Variants in TRPM8 observed in about 807,000 individuals in gnomAD.
TRPM8 encodes transient receptor potential cation channel subfamily M member 8.
TRPM8 carries 110 observed loss-of-function variants against 133.7 expected under a neutral mutation model. The ratio of observed to expected loss-of-function variants is 0.82; its 90% confidence interval spans 0.70 to 0.96. The LOEUF (loss-of-function observed/expected upper bound fraction) is 0.96, where lower values mean the gene tolerates loss of function less well. Among genes scored for constraint, TRPM8 ranks in the 40% least tolerant of loss-of-function variants. The probability of loss-of-function intolerance (pLI) is 0.00; values close to 1 mark genes in which losing one functional copy is unlikely to be tolerated. For missense variants in TRPM8, 1,291 were observed against 1,379.5 expected, an observed-to-expected ratio of 0.94 and a Z score of 1.02; for synonymous variants, 535 against 532.3, an observed-to-expected ratio of 1.01 and a Z score of -0.07.
chr2:233,938,864 C>T (rs1690828348), intron 4 of TRPM8, 134 bp from the exon 5 acceptor site: 7 of 940,330 alleles, frequency 7.4e-6, no homozygotes, highest in Admixed American at 5.5e-5. Flanking sequence ...CCCAATGCCG[C>T]GATCCCTGCT....
chr2:233,971,450 G>A (rs1331718686), intron 17 of TRPM8, among the ~76,000 whole-genome samples: 1 of 152,150 alleles, frequency 6.6e-6, no homozygotes, highest in East Asian at 1.9e-4. Context: ...TATGACCTGG[G>A]GGAAGAGTCC....
At chr2:233,952,136 T>C (rs1691184218) in intron 9 of TRPM8, among the ~76,000 whole-genome samples, 1 of 152,218 alleles carries the variant, frequency 6.6e-6, no homozygotes, top group South Asian at 2.1e-4. Flanking sequence ...AACTCTCATT[T>C]ATTAATTTAT....
chr2:234,002,132 G>A (rs574230400), intron 22 of TRPM8, among the ~76,000 whole-genome samples: 33 of 152,014 alleles, frequency 2.2e-4, no homozygotes, highest in Admixed American at 2.2e-3. Flanking sequence ...GATTTATGGA[G>A]GAAGGGAATA....
Position 233,985,800 on chromosome 2 carries a change from C to T in TRPM8, c.2874C>T (p.Pro958=), listed in dbSNP as rs1026491295. The T allele has an allele frequency of 3.7e-6, 6 of 1,614,112 alleles. No individual in the cohort carries two copies. Among genetic ancestry groups the T allele is most frequent in the African/African-American group, 2.7e-5 (2 of 74,934 alleles). The change falls in exon 21 of 26, where the codon CCC becomes CCT. Residue 958 remains proline (P), a synonymous_variant. Transcript: ENST00000324695. ...LPRFPEWITI[P]LVCIYMLSTN... is the part of the protein sequence containing the mutation. Reference sequence around the variant, plus strand: ...GGTTCCCCGAGTGGATCACCATCCCCCTGGTGTGCATCTACATGTTATCCA... The same window carrying T: ...GGTTCCCCGAGTGGATCACCATCCCTCTGGTGTGCATCTACATGTTATCCA...
Position 233,967,877 on chromosome 2 carries a change from G to A in TRPM8, c.2025+1122G>A, listed in dbSNP as rs551212236. 7.2e-5 allele frequency among the ~76,000 whole-genome samples: 11 copies of A among 152,176 alleles called. No homozygotes were observed. The East Asian group carries it at 1.5e-3, about 21-fold the overall frequency. Reference sequence around the variant, plus strand: ...CTTCCTGGGCCCCAAACCCTATCTCGCTTGTGTCCCAGAACTTGGGGCCCT... The same window carrying A: ...CTTCCTGGGCCCCAAACCCTATCTCACTTGTGTCCCAGAACTTGGGGCCCT... On this transcript the variant is annotated intron_variant, in intron 15 of 25. Coordinates refer to ENST00000324695, the MANE Select transcript of TRPM8 (RefSeq NM_024080.5).
intron 11 of TRPM8, among the ~76,000 whole-genome samples, chr2:233,955,640 T>G (rs977435276): frequency 6.6e-6 from 1 of 152,126 alleles, no homozygotes; most frequent in Non-Finnish European, 1.5e-5. Flanking sequence ...GGCAGCACTC[T>G]TTTTGCTCCC....
At chr2:233,955,362 T>A in intron 11 of TRPM8, 112 bp downstream of exon 11, 1 of 760,098 alleles carries the variant, frequency 1.3e-6, no homozygotes, top group Non-Finnish European at 2.2e-6. Flanking sequence ...TAAAGGATTG[T>A]TCTGTTCCAG....
At chr2:233,947,038 T>G in intron 7 of TRPM8, 50 bp from the exon 8 acceptor site, 2 of 1,557,044 alleles carry the variant, frequency 1.3e-6, no homozygotes, top group African/African-American at 1.4e-5. Flanking sequence ...CAGAGGTAGG[T>G]GAGTATTTCT....
intron 2 of TRPM8, among the ~76,000 whole-genome samples, chr2:233,927,728 T>G (rs1217670815): frequency 4.7e-5 from 2 of 42,494 alleles, no homozygotes; most frequent in Admixed American, 2.5e-4. Flanking sequence ...CTTTCTTTCT[T>G]TCTTTCTTTC....
intron 12 of TRPM8, among the ~76,000 whole-genome samples, chr2:233,961,765 G>T (rs193133337): frequency 6.6e-6 from 1 of 151,416 alleles, no homozygotes; most frequent in Admixed American, 6.6e-5. Context: ...GAGTAGCTGG[G>T]ATTACAGGCG....
intron 17 of TRPM8, among the ~76,000 whole-genome samples, chr2:233,974,191 C>T (rs545833147): frequency 2.6e-5 from 4 of 152,168 alleles, no homozygotes; most frequent in African/African-American, 9.6e-5. Flanking sequence ...CAGTGTCTGC[C>T]CCACAAGTGG....
At chr2:234,009,044 G>C (rs954146264) in intron 24 of TRPM8, among the ~76,000 whole-genome samples, 47 of 152,270 alleles carry the variant, frequency 3.1e-4, no homozygotes, top group African/African-American at 1.1e-3. Context: ...GGAAGAAGTG[G>C]GGGAGTCTGG....
At chr2:233,966,310 C>T in intron 14 of TRPM8, among the ~76,000 whole-genome samples, 1 of 152,110 alleles carries the variant, frequency 6.6e-6, no homozygotes, top group South Asian at 2.1e-4. Flanking sequence ...GGCTCTTCTG[C>T]CTGAGCCCAG....
chr2:233,985,561 C>T, intron 20 of TRPM8, 127 bp from the exon 21 acceptor site: 1 of 834,850 alleles, frequency 1.2e-6, no homozygotes. Flanking sequence ...CTTGTTTGGA[C>T]AAAGTGCCTT....
chr2:234,003,722 A>G (rs1692625951), intron 22 of TRPM8, among the ~76,000 whole-genome samples: 1 of 152,256 alleles, frequency 6.6e-6, no homozygotes, highest in Non-Finnish European at 1.5e-5. Flanking sequence ...GATTCAGTAC[A>G]AAGAACAATG....
chr2:233,947,159 A>T lies in TRPM8; in HGVS notation c.942+4A>T. The stretch of plus-strand genomic sequence containing the variant: ...AGGTGGAAAAGAGACTTTGAAAGTG[A>T]GTCCTGATTTAGTTTTCTAGAAGGT... On this transcript the variant is annotated splice_donor_region_variant and intron_variant, in intron 8 of 25. Coordinates refer to ENST00000324695, the MANE Select transcript of TRPM8 (RefSeq NM_024080.5). 6.2e-7 allele frequency: 1 copy of T among 1,613,930 alleles called. No individual in the cohort carries two copies. The highest frequency in any genetic ancestry group is 8.5e-7 in the Non-Finnish European group (1 of 1,179,790).
chr2:234,011,602 G>A (rs189345162), intron 24 of TRPM8, among the ~76,000 whole-genome samples: 1 of 152,232 alleles, frequency 6.6e-6, no homozygotes, highest in African/African-American at 2.4e-5. Flanking sequence ...AACATGGGAT[G>A]TTTTTCCATT....
At chr2:233,950,609 A>G (rs1421936496) in intron 9 of TRPM8, among the ~76,000 whole-genome samples, 2 of 152,220 alleles carry the variant, frequency 1.3e-5, no homozygotes, top group Non-Finnish European at 2.9e-5. Flanking sequence ...AGCGCCGGAC[A>G]CCTGCTGACC....
chr2:233,979,127 C>G (rs1296090754), intron 17 of TRPM8, among the ~76,000 whole-genome samples: 2 of 152,094 alleles, frequency 1.3e-5, no homozygotes, highest in African/African-American at 2.4e-5. Context: ...CAGATGGACT[C>G]CTATTGGTGA....
Sources: allele counts gnomAD v4.1 joint callset (sites outside exome capture counted in the v4.1 genomes callset), GRCh38; gene constraint gnomAD v4.1.1; transcripts MANE v1.5; gene names NCBI Gene and HGNC (gene_info 2026-07-23, HGNC 2026-07-21).